WWP2: variants seen among roughly 807,000 people sequenced by gnomAD.
The protein encoded by WWP2 is NEDD4-like E3 ubiquitin-protein ligase WWP2.
WWP2 carries 57 observed loss-of-function variants against 121.0 expected under a neutral mutation model. The ratio of observed to expected loss-of-function variants is 0.47; its 90% CI spans 0.38 to 0.59. The LOEUF is 0.59. WWP2 is among the 20% of genes least tolerant of loss of function. The probability of loss-of-function intolerance (pLI) is 0.00; values close to 1 mark genes in which losing one functional copy is unlikely to be tolerated. For missense variants in WWP2, 962 were observed against 1,158.9 expected, an observed-to-expected ratio of 0.83 and a Z score of 2.47; for synonymous variants, 449 against 441.3, an observed-to-expected ratio of 1.02 and a Z score of -0.22.
At chr16:69,928,360 G>T (rs944819877) in intron 11 of WWP2, among the ~76,000 whole-genome samples, 2 of 148,758 alleles carry the variant, frequency 1.3e-5, no homozygotes, top group Admixed American at 6.7e-5. Flanking sequence ...CTAGTTTTTT[G>T]TTTTTTTTTT....
chr16:69,872,409 G>T (rs1597089149), intron 7 of WWP2, among the ~76,000 whole-genome samples: 1 of 151,962 alleles, frequency 6.6e-6, no homozygotes, highest in Non-Finnish European at 1.5e-5. Context: ...GTGGAGACAG[G>T]GTTTCACCGT....
chr16:69,924,503 C>T (rs1333515907), intron 10 of WWP2, among the ~76,000 whole-genome samples: 2 of 151,788 alleles, frequency 1.3e-5, no homozygotes, highest in Non-Finnish European at 2.9e-5. Context: ...TTTTTGACAA[C>T]ACCCCCCTTC....
chr16:69,861,848 C>T (rs76046080), intron 6 of WWP2, among the ~76,000 whole-genome samples: 1 of 152,038 alleles, frequency 6.6e-6, no homozygotes, highest in Non-Finnish European at 1.5e-5. Context: ...ACTGGCCCAG[C>T]TCCACTGAAT....
chr16:69,929,279 T>C (rs1039275970), intron 11 of WWP2, among the ~76,000 whole-genome samples, 169 bp from the exon 12 acceptor site: 1 of 150,774 alleles, frequency 6.6e-6, no homozygotes, highest in Non-Finnish European at 1.5e-5. Context: ...TCTTTGTCCC[T>C]TTCCCAGTGA....
Position 69,935,176 on chromosome 16 carries a change from G to A in WWP2, c.1843-677G>A, listed in dbSNP as rs974980749. ...AGATGTTTCAATTCTCCTTTCCTTC[G>A]CTTCTTCCCCTGCCTTCCTGAGTGT... is the stretch of plus-strand genomic sequence containing the variant. On this transcript the variant is annotated intron_variant, in intron 17 of 23. Transcript: ENST00000359154. This position sits in a 1 kb window ranked among gnomAD's most constrained non-coding sequence, Gnocchi z 5.2. Among the ~76,000 whole-genome samples, 4 of 152,140 alleles carry A rather than the reference G, an allele frequency of 2.6e-5. No homozygotes were observed. Among genetic ancestry groups the A allele is most frequent in the African/African-American group, 4.8e-5 (2 of 41,424 alleles).
intron 8 of WWP2, among the ~76,000 whole-genome samples, chr16:69,894,660 G>C (rs1310181910): frequency 6.6e-6 from 1 of 152,228 alleles, no homozygotes; most frequent in Non-Finnish European, 1.5e-5. Flanking sequence ...GGGCTAGTGA[G>C]ATAGTGGTTC....
At chr16:69,851,273 C>T (rs1412227259) in intron 6 of WWP2, among the ~76,000 whole-genome samples, 3 of 151,878 alleles carry the variant, frequency 2.0e-5, no homozygotes, top group Non-Finnish European at 4.4e-5. Flanking sequence ...GTGCCTTGGC[C>T]CTCACATGTA....
Position 69,826,678 on chromosome 16 carries a change from G to C in WWP2, c.341-13448G>C, listed in dbSNP as rs538460348. On this transcript the variant is annotated intron_variant, in intron 4 of 23. Transcript: ENST00000359154. ...GTGGATCACGAGGTCAGGAGATCGA[G>C]ACCATCCTGGCTAACATGGTGAAAC... is the stretch of plus-strand genomic sequence containing the variant. Among the ~76,000 whole-genome samples the C allele has an allele frequency of 9.7e-5, 14 of 144,656 alleles. No homozygotes were observed. The South Asian group carries it at 3.0e-3, about 31-fold the overall frequency. 94.9% of individuals were successfully genotyped at this position (144,656 alleles called of 152,430 possible). A position where few individuals can be genotyped will look rare whatever the true frequency, so the allele number is the denominator to read the frequency against.
At chr16:69,850,809 CTTGT>C (rs760039269) in intron 6 of WWP2, among the ~76,000 whole-genome samples, 4 of 151,950 alleles carry the variant, frequency 2.6e-5, no homozygotes, top group African/African-American at 4.8e-5. Flanking sequence ...TGTTGGTGTT[CTTGT>C]TTGTTTGTTT....
intron 8 of WWP2, among the ~76,000 whole-genome samples, chr16:69,897,902 C>T (rs2058132383): frequency 6.6e-6 from 1 of 151,314 alleles, no homozygotes; most frequent in Admixed American, 6.6e-5. Context: ...AGTGAGACTC[C>T]ATCTCAAAAC....
chr16:69,769,919 G>C (rs1427996952), intron 1 of WWP2, among the ~76,000 whole-genome samples: 1 of 150,130 alleles, frequency 6.7e-6, no homozygotes. Flanking sequence ...GTGTCGCCCA[G>C]GCTAGAGTGC....
At chr16:69,934,223 C>T (rs1159291147) in intron 17 of WWP2, 94 bp downstream of exon 17, 3 of 1,490,110 alleles carry the variant, frequency 2.0e-6, no homozygotes, top group Non-Finnish European at 2.8e-6. Flanking sequence ...GGGGAATCTG[C>T]TCTTTCTCTG....
intron 1 of WWP2, among the ~76,000 whole-genome samples, chr16:69,778,816 T>A (rs1366141762): frequency 1.3e-5 from 2 of 151,688 alleles, no homozygotes; most frequent in East Asian, 1.9e-4. Context: ...ATTTTTGTAT[T>A]TTTCATAGAG....
rs190527446 is a variant in WWP2, at chr16:69,811,882, A to T, written c.340+12587A>T. On this transcript the variant is annotated intron_variant, in intron 4 of 23. Transcript: ENST00000359154. ...TCACTGTGTTCTTCTGAGCCATTTT[A>T]GAGTAAATTACAAACCTCGTGTTTC... Among the ~76,000 whole-genome samples the T allele has an allele frequency of 5.0e-3, 768 of 152,330 alleles. 6 individuals are homozygous for T. The highest frequency in any genetic ancestry group is 0.01 in the Middle Eastern group (3 of 294).
At chr16:69,900,175 G>T (rs2058181149) in intron 8 of WWP2, among the ~76,000 whole-genome samples, 1 of 152,130 alleles carries the variant, frequency 6.6e-6, no homozygotes, top group African/African-American at 2.4e-5. Context: ...TGAGTTAAGG[G>T]CCATTCACAA....
intron 4 of WWP2, among the ~76,000 whole-genome samples, chr16:69,837,012 C>T (rs568119306): frequency 6.6e-6 from 1 of 152,306 alleles, no homozygotes; most frequent in Non-Finnish European, 1.5e-5. Context: ...CAGCCTCGAC[C>T]TCCCGGGCTC....
chr16:69,813,613 C>T (rs2056436657), intron 4 of WWP2, among the ~76,000 whole-genome samples: 1 of 152,166 alleles, frequency 6.6e-6, no homozygotes, highest in South Asian at 2.1e-4. Context: ...CAGGTGTGTG[C>T]TGGCTAAATT....
chr16:69,851,916 G>A (rs558069589), intron 6 of WWP2, among the ~76,000 whole-genome samples: 1 of 152,112 alleles, frequency 6.6e-6, no homozygotes, highest in Non-Finnish European at 1.5e-5. Flanking sequence ...CTGGGGGGTG[G>A]AGTTTGCAGT....
chr16:69,803,373 AAAC>A (rs2056211954), intron 4 of WWP2, among the ~76,000 whole-genome samples: 1 of 150,044 alleles, frequency 6.7e-6, no homozygotes, highest in East Asian at 1.9e-4. Flanking sequence ...TACATAAAAA[AAAC>A]ATTATCTTAC....
Sources: gnomAD v4.1 joint callset for allele counts (sites outside exome capture counted in the v4.1 genomes callset) on GRCh38, gnomAD v4.1.1 for gene constraint, Gnocchi (gnomAD v3.1) non-coding constraint, MANE v1.5 for transcripts, NCBI Gene and HGNC (gene_info 2026-07-23, HGNC 2026-07-21) for gene names.